The following NBPF8 variants were observed in gnomAD, a reference collection of about 807,000 sequenced individuals.
NBPF8 encodes NBPF family member NBPF8.
chr1:120,452,254 C>T (rs1287939810), exon 13 of NBPF8: 1 of 1,301,798 alleles, frequency 7.7e-7, no homozygotes, highest in Middle Eastern at 2.6e-4. Context: ...CCGGACAAGT[C>T]CCAGGGGCAG....
chr1:120,431,570 C>T (rs1361437767), upstream of NBPF8, among the ~76,000 whole-genome samples: 1 of 151,368 alleles, frequency 6.6e-6, no homozygotes, highest in South Asian at 2.1e-4. Flanking sequence ...TCAATCAGTG[C>T]AACAATGAGA....
chr1:120,452,016 A>C lies in NBPF8; in HGVS notation n.2075-101A>C, dbSNP rs1661288851. 22 of 1,314,672 alleles carry C rather than the reference A, an allele frequency of 1.7e-5. 2 individuals carry two copies. The South Asian group carries it at 2.0e-4, about 12-fold the overall frequency. 81.4% of individuals were successfully genotyped at this position (1,314,672 alleles called of 1,614,324 possible). A position where few individuals can be genotyped will look rare whatever the true frequency, so the allele number is the denominator to read the frequency against. On this transcript the variant is annotated intron_variant and non_coding_transcript_variant, in intron 12 of 24. Transcript: ENST00000583271. ...CAACATGTGCTGACCTTCTGTTTCA[A>C]GGTCTCCTTGAGGACATTGTCTCAG...
chr1:120,450,719 A>G (rs1661243120), intron 11 of NBPF8, among the ~76,000 whole-genome samples: 1 of 152,218 alleles, frequency 6.6e-6, no homozygotes, highest in Non-Finnish European at 1.5e-5. Flanking sequence ...TTAAAAATCA[A>G]AGATTTTAAA....
At chr1:120,422,532 A>G (rs1660603883) in intron 1 of NBPF8, among the ~76,000 whole-genome samples, 1 of 112,664 alleles carries the variant, frequency 8.9e-6, no homozygotes, top group Admixed American at 7.8e-5. Flanking sequence ...TGTACTTTTA[A>G]GTTCCTCCAC....
chr1:120,415,422 G>A (rs1224262269), upstream of NBPF8, among the ~76,000 whole-genome samples: 7 of 152,110 alleles, frequency 4.6e-5, no homozygotes, highest in Non-Finnish European at 8.8e-5. Flanking sequence ...TTCCGGCCCC[G>A]CCGGGGCTTA....
intron 1 of NBPF8, among the ~76,000 whole-genome samples, chr1:120,420,745 C>T (rs201088020): frequency 0.02 from 2,899 of 143,720 alleles, 24 homozygotes; most frequent in African/African-American, 0.03. Flanking sequence ...TTCCCCAGGA[C>T]CTTGTGGTGG....
At chr1:120,451,630 C>T (rs878900497) in intron 12 of NBPF8, among the ~76,000 whole-genome samples, 2 of 145,334 alleles carry the variant, frequency 1.4e-5, no homozygotes, top group Admixed American at 7.1e-5. Context: ...AGAATCACCT[C>T]CTGACTGACT....
At chr1:120,449,637 T>C (rs1364612715) in intron 11 of NBPF8, among the ~76,000 whole-genome samples, 2 of 152,192 alleles carry the variant, frequency 1.3e-5, no homozygotes, top group African/African-American at 4.8e-5. Flanking sequence ...TGCCATTTAT[T>C]GATTTCTGAC....
chr1:120,451,826 C>T (rs1435430626), intron 12 of NBPF8, among the ~76,000 whole-genome samples: 5 of 150,330 alleles, frequency 3.3e-5, no homozygotes, highest in Non-Finnish European at 5.9e-5. Flanking sequence ...GAGTGAGGAA[C>T]TGAAAGGATG....
rs1553248154 is a variant in NBPF8, at chr1:120,442,957, C to T, written n.1065C>T. 3.9e-4 allele frequency: 76 copies of T among 195,314 alleles called. 8 individuals carry two copies. The highest frequency in any genetic ancestry group is 3.7e-3 in the East Asian group (42 of 11,326). 12.1% of individuals were successfully genotyped at this position (195,314 alleles called of 1,614,324 possible). A position where few individuals can be genotyped will look rare whatever the true frequency, so the allele number is the denominator to read the frequency against. Reference sequence around the variant, plus strand: ...AATCAATGAGAAATTGCACCCCCAGCTGGCAGAGAAGAAACAGCAGTTCGT... The same window carrying T: ...AATCAATGAGAAATTGCACCCCCAGTTGGCAGAGAAGAAACAGCAGTTCGT... On this transcript the variant is annotated non_coding_transcript_exon_variant, in exon 6 of 25. Coordinates refer to ENST00000583271, the Ensembl canonical transcript of NBPF8.
intron 1 of NBPF8, among the ~76,000 whole-genome samples, chr1:120,421,564 C>T (rs1428733482): frequency 1.4e-5 from 2 of 145,722 alleles, no homozygotes; most frequent in African/African-American, 5.1e-5. Flanking sequence ...TCTTTCCTTT[C>T]TTCCTTTCTT....
chr1:120,457,762 C>A (rs1661484757), intron 16 of NBPF8, among the ~76,000 whole-genome samples: 2 of 63,556 alleles, frequency 3.1e-5, no homozygotes, highest in African/African-American at 1.1e-4. Context: ...TACATACACA[C>A]AAAAAATAAT....
At chr1:120,468,188 C>CATA (rs1217974266), downstream of NBPF8, among the ~76,000 whole-genome samples, 1 of 150,406 alleles carries the variant, frequency 6.6e-6, no homozygotes, top group Admixed American at 6.7e-5. Context: ...TGCCACTTCT[C>CATA]ATAATAGTAT....
intron 21 of NBPF8, 113 bp downstream of exon 19, chr1:120,463,079 G>T: frequency 2.9e-6 from 2 of 679,288 alleles, no homozygotes; most frequent in Admixed American, 2.3e-5. Context: ...CCGCAGGCAG[G>T]ACCTATGGGC....
chr1:120,422,684 CT>C (rs1243323055), intron 1 of NBPF8, among the ~76,000 whole-genome samples: 2,684 of 144,974 alleles, frequency 0.019, 50 homozygotes, highest in East Asian at 0.085. Flanking sequence ...GATAAAATTG[CT>C]GCAAGTACTT....
chr1:120,447,074 C>T lies in NBPF8; in HGVS notation n.1477-20C>T. On this transcript the variant is annotated intron_variant and non_coding_transcript_variant, in intron 8 of 24. Transcript: ENST00000583271. Reference sequence around the variant, plus strand: ...GAATGTGAAGTGGGAAATATCTGAACGAACATTTTGTATTTATAAAAAATG... The same window carrying T: ...GAATGTGAAGTGGGAAATATCTGAATGAACATTTTGTATTTATAAAAAATG... 2 of 572 alleles carry T rather than the reference C, an allele frequency of 3.5e-3. 1 individual carries two copies. The highest frequency in any genetic ancestry group is 0.011 in the Admixed American group (2 of 174). The allele number at this position is 572 out of a possible 1,614,324, so 0.0% of individuals were successfully genotyped here.
chr1:120,462,579 CCTCT>C (rs1333832901), intron 20 of NBPF8, among the ~76,000 whole-genome samples: 20 of 103,838 alleles, frequency 1.9e-4, no homozygotes, highest in Middle Eastern at 4.2e-3. Flanking sequence ...CTCACTTTCT[CCTCT>C]CTCTCTCTCT....
chr1:120,425,031 GGCA>G (rs1382620555), intron 1 of NBPF8, among the ~76,000 whole-genome samples: 1 of 142,808 alleles, frequency 7.0e-6, no homozygotes, highest in Non-Finnish European at 1.5e-5. Context: ...AGTACCCAGA[GGCA>G]CACTACACTG....
At chr1:120,460,030 G>A (rs1237154149) in intron 17 of NBPF8, among the ~76,000 whole-genome samples, 13,628 of 151,962 alleles carry the variant, frequency 0.09, 2,040 homozygotes, top group African/African-American at 0.31. Context: ...TTCTAAGTTC[G>A]CTTGCTTTAG....
Sources: gnomAD v4.1 joint callset for allele counts (sites outside exome capture counted in the v4.1 genomes callset) on GRCh38, gnomAD v4.1.1 for gene constraint, MANE v1.5 for transcripts, NCBI Gene and HGNC (gene_info 2026-07-23, HGNC 2026-07-21) for gene names.